Variants in LIPK observed in about 807,000 individuals in gnomAD.
LIPK encodes lipase member K.
In LIPK, 32 loss-of-function variants were observed where a neutral mutation model predicts 48.6. That is an observed-to-expected ratio of 0.66 (90% CI 0.50 to 0.88). The LOEUF is 0.88. Among genes scored for constraint, LIPK ranks in the 40% least tolerant of loss-of-function variants. LIPK has a pLI of 0.00. For synonymous variants in LIPK, 164 were observed against 157.4 expected (o/e 1.04, Z -0.32); for missense variants, 507 against 478.5 (o/e 1.06, Z -0.56).
At chr10:88,734,839 G>A (rs183167180) in intron 6 of LIPK, among the ~76,000 whole-genome samples, 1 of 152,190 alleles carries the variant, frequency 6.6e-6, no homozygotes, top group Non-Finnish European at 1.5e-5. Context: ...CAACGTTTAG[G>A]TATATTTTTG....
At position 88,752,448 on chromosome 10, in the gene LIPK, A is replaced by G. The variant is rs148734741; in HGVS notation, c.961-69A>G. ...ATTTAAAGAACTTGCTCAACAGCTG[A>G]CAGTTAATGTTACTTCTATAATGTA... On this transcript the variant is annotated intron_variant, in intron 9 of 9. Transcript: ENST00000404190. 2.1e-4 allele frequency: 241 copies of G among 1,129,442 alleles called. 2 individuals carry two copies. In the Middle Eastern group the frequency reaches 2.2e-3, roughly 10 times the overall value. 70.0% of individuals were successfully genotyped at this position (1,129,442 alleles called of 1,614,324 possible). A position where few individuals can be genotyped will look rare whatever the true frequency, so the allele number is the denominator to read the frequency against.
chr10:88,712,536 A>G (rs1483871398), intron 1 of LIPK, among the ~76,000 whole-genome samples: 2 of 152,198 alleles, frequency 1.3e-5, no homozygotes, highest in African/African-American at 4.8e-5. Flanking sequence ...TTGTAAATAT[A>G]GTACTGCTCC....
chr10:88,743,956 T>C (rs1293575544), intron 9 of LIPK, among the ~76,000 whole-genome samples: 2 of 152,234 alleles, frequency 1.3e-5, no homozygotes, highest in South Asian at 2.1e-4. Context: ...GACTCTTGCC[T>C]GTGCAAAGCC....
At chr10:88,750,881 A>T (rs1005779979) in intron 9 of LIPK, among the ~76,000 whole-genome samples, 6 of 152,106 alleles carry the variant, frequency 3.9e-5, no homozygotes, top group African/African-American at 1.4e-4. Flanking sequence ...TCTCCACTAC[A>T]CTTATTCCTT....
chr10:88,731,036 T>C lies in LIPK; in HGVS notation c.277T>C (p.Trp93Arg), dbSNP rs771010098. Reference sequence around the variant, plus strand: ...TGGCTTAATTGCATCTGCCAGTAACTGGATTTGCAACCTGCCCAACAACAG... The same window carrying C: ...TGGCTTAATTGCATCTGCCAGTAACCGGATTTGCAACCTGCCCAACAACAG... Reference protein sequence around the residue: ...QHGLIASASNWICNLPNNSLA... With the variant: ...QHGLIASASNRICNLPNNSLA... The change falls in exon 4 of 10, where the codon TGG becomes CGG. Residue 93 changes from tryptophan (W) to arginine (R), a missense_variant. Trp to Arg is a moderately radical substitution (Grantham distance 101). Coordinates refer to ENST00000404190, the MANE Select transcript of LIPK (RefSeq NM_001080518.2). 4 of 1,598,140 alleles carry C rather than the reference T, an allele frequency of 2.5e-6. No homozygotes were observed. Among genetic ancestry groups the C allele is most frequent in the Non-Finnish European group, 2.6e-6 (3 of 1,171,758 alleles).
At chr10:88,751,538 G>A (rs1455353036) in intron 9 of LIPK, among the ~76,000 whole-genome samples, 1 of 152,066 alleles carries the variant, frequency 6.6e-6, no homozygotes, top group Non-Finnish European at 1.5e-5. Flanking sequence ...AAATTTTAAT[G>A]TGGGAATTTT....
At chr10:88,733,366 C>T (rs919926861) in intron 6 of LIPK, among the ~76,000 whole-genome samples, 1 of 152,208 alleles carries the variant, frequency 6.6e-6, no homozygotes, top group African/African-American at 2.4e-5. Flanking sequence ...ATGGTAATAA[C>T]TCCCATGGTG....
rs775967489 is a variant in LIPK at position 88,731,083 on chromosome 10, T to C, written c.324T>C (p.Asp108=). Residue 108 remains aspartate (D), a synonymous_variant, in exon 4 of 10, where the codon GAT becomes GAC. Transcript: ENST00000404190. ...ACAGTTTGGCTTTCCTTCTGGCAGA[T>C]AGTGGTTATGACGTGTGGTTGGGGA... is the stretch of plus-strand genomic sequence containing the variant. ...PNNSLAFLLA[D]SGYDVWLGNS... The C allele has an allele frequency of 5.0e-6, 8 of 1,607,100 alleles. No individual in the cohort carries two copies. The East Asian group carries it at 1.6e-4, about 31-fold the overall frequency.
chr10:88,712,500 T>C (rs1370634734), intron 1 of LIPK, among the ~76,000 whole-genome samples: 1 of 152,210 alleles, frequency 6.6e-6, no homozygotes, highest in Admixed American at 6.5e-5. Flanking sequence ...TAAATTCTCA[T>C]ACATGCTGAA....
At chr10:88,728,155 C>A (rs141126205) in intron 3 of LIPK, 11 of 207,298 alleles carry the variant, frequency 5.3e-5, no homozygotes, top group African/African-American at 2.6e-4. Context: ...TAAGTAGTCT[C>A]GCCTAAAAGG....
intron 9 of LIPK, among the ~76,000 whole-genome samples, chr10:88,748,716 C>G (rs568362904): frequency 6.6e-6 from 1 of 152,212 alleles, no homozygotes; most frequent in East Asian, 1.9e-4. Flanking sequence ...GAAGCATTCC[C>G]CTTGAGAACT....
intron 4 of LIPK, 94 bp from the exon 5 acceptor site, chr10:88,732,084 A>G: frequency 1.3e-6 from 1 of 789,030 alleles, no homozygotes; most frequent in Non-Finnish European, 2.0e-6. Flanking sequence ...ATTTAACAAA[A>G]TCAAAGTATT....
chr10:88,742,833 C>T (rs1202134972), intron 8 of LIPK, among the ~76,000 whole-genome samples: 1 of 151,710 alleles, frequency 6.6e-6, no homozygotes, highest in Admixed American at 6.6e-5. Context: ...GGATAAGGTA[C>T]AAAGTTGTAT....
intron 2 of LIPK, among the ~76,000 whole-genome samples, chr10:88,725,165 T>C (rs1200071528): frequency 6.6e-6 from 1 of 152,234 alleles, no homozygotes. Context: ...TCCATTCTCC[T>C]ATATAAACGG....
At chr10:88,731,257 CTGTTTTGTGTCCAAA>C in intron 4 of LIPK, 76 bp downstream of exon 4, 3 of 1,231,994 alleles carry the variant, frequency 2.4e-6, no homozygotes, top group Non-Finnish European at 3.2e-6. Flanking sequence ...GATTTTTTTC[CTGTTTTGTGTCCAAA>C]TGCACCCAAT....
At chr10:88,751,660 C>T (rs896989837) in intron 9 of LIPK, among the ~76,000 whole-genome samples, 7 of 152,110 alleles carry the variant, frequency 4.6e-5, no homozygotes, top group Admixed American at 6.6e-5. Flanking sequence ...GTTAGATGTA[C>T]GTGGCAGGAG....
intron 1 of LIPK, among the ~76,000 whole-genome samples, chr10:88,706,837 A>G (rs1841944619): frequency 6.6e-6 from 1 of 152,140 alleles, no homozygotes; most frequent in Non-Finnish European, 1.5e-5. Context: ...TATGAAATCA[A>G]TCATTTGTGG....
At chr10:88,720,761 A>G (rs1173746350) in intron 1 of LIPK, among the ~76,000 whole-genome samples, 1 of 152,172 alleles carries the variant, frequency 6.6e-6, no homozygotes, top group Non-Finnish European at 1.5e-5. Context: ...GAAGTCATAT[A>G]TATAATATGT....
At chr10:88,718,684 T>C (rs1842164615) in intron 1 of LIPK, among the ~76,000 whole-genome samples, 1 of 152,030 alleles carries the variant, frequency 6.6e-6, no homozygotes, top group South Asian at 2.1e-4. Context: ...TAAGACCCAG[T>C]GAAAAGAAAT....
Sources: gnomAD v4.1 joint callset for allele counts (sites outside exome capture counted in the v4.1 genomes callset) on GRCh38, gnomAD v4.1.1 for gene constraint, MANE v1.5 for transcripts, NCBI Gene and HGNC (gene_info 2026-07-23, HGNC 2026-07-21) for gene names.